MIPOL1: variants seen among roughly 807,000 people sequenced by gnomAD.
MIPOL1 encodes mirror-image polydactyly 1.
In MIPOL1, 57 loss-of-function variants were observed where a neutral mutation model predicts 60.9. The observed-to-expected ratio is 0.94, with a 90% CI of 0.76 to 1.17. MIPOL1 has a LOEUF of 1.17. Among genes scored for constraint, MIPOL1 ranks in the 50% most tolerant of loss-of-function variants. MIPOL1 has a pLI of 0.00. For synonymous variants in MIPOL1, 179 were observed against 168.8 expected, an observed-to-expected ratio of 1.06 and a Z score of -0.47; for missense variants, 551 against 511.6, an observed-to-expected ratio of 1.08 and a Z score of -0.74.
At chr14:37,310,584 G>A (rs2087237722) in intron 9 of MIPOL1, among the ~76,000 whole-genome samples, 1 of 152,106 alleles carries the variant, frequency 6.6e-6, no homozygotes, top group Admixed American at 6.6e-5. Context: ...GCCTTCACAA[G>A]GTGATCGCTT....
At chr14:37,492,681 G>T (rs992915034) in intron 11 of MIPOL1, among the ~76,000 whole-genome samples, 9 of 152,032 alleles carry the variant, frequency 5.9e-5, no homozygotes, top group Non-Finnish European at 8.8e-5. Flanking sequence ...ATGTCACTCA[G>T]AGTGAATGAC....
intron 9 of MIPOL1, among the ~76,000 whole-genome samples, chr14:37,360,812 A>G (rs141881411): frequency 8.1e-4 from 123 of 151,996 alleles, no homozygotes; most frequent in Non-Finnish European, 1.3e-3. Context: ...TTGTGTCCCT[A>G]TTTCTTTCAG....
intron 9 of MIPOL1, among the ~76,000 whole-genome samples, chr14:37,346,312 C>T (rs1263526912): frequency 6.6e-6 from 1 of 152,082 alleles, no homozygotes; most frequent in East Asian, 1.9e-4. Flanking sequence ...CTGGGTGACA[C>T]AGTGAGACTC....
At chr14:37,229,761 G>A (rs1429618239) in intron 1 of MIPOL1, among the ~76,000 whole-genome samples, 2 of 152,044 alleles carry the variant, frequency 1.3e-5, no homozygotes, top group African/African-American at 4.8e-5. Flanking sequence ...CAAAAATGGG[G>A]TTTGACTCAA....
At chr14:37,348,464 G>A (rs2091101494) in intron 9 of MIPOL1, among the ~76,000 whole-genome samples, 1 of 151,990 alleles carries the variant, frequency 6.6e-6, no homozygotes, top group South Asian at 2.1e-4. Context: ...CCATATTAAT[G>A]CAACACATTT....
intron 1 of MIPOL1, among the ~76,000 whole-genome samples, chr14:37,243,301 C>T (rs538121775): frequency 5.3e-5 from 8 of 152,092 alleles, no homozygotes; most frequent in Non-Finnish European, 1.2e-4. Flanking sequence ...GCAGTAGGCA[C>T]ACTGGGTGAA....
intron 9 of MIPOL1, among the ~76,000 whole-genome samples, chr14:37,363,861 A>C (rs956017820): frequency 6.6e-6 from 1 of 152,122 alleles, no homozygotes; most frequent in African/African-American, 2.4e-5. Flanking sequence ...TCCCCCAGCC[A>C]AGCTGCAGCC....
chr14:37,216,301 AAGAG>A (rs1166140068), intron 1 of MIPOL1, among the ~76,000 whole-genome samples: 2 of 152,154 alleles, frequency 1.3e-5, no homozygotes, highest in Non-Finnish European at 2.9e-5. Context: ...ATTAGAGATA[AAGAG>A]AGAGAGATAG....
intron 7 of MIPOL1, among the ~76,000 whole-genome samples, chr14:37,291,510 G>T (rs1028441538): frequency 6.6e-6 from 1 of 151,734 alleles, no homozygotes; most frequent in Non-Finnish European, 1.5e-5. Flanking sequence ...TCACTTTATT[G>T]TGTTAGCCCC....
chr14:37,405,309 C>A (rs1301395693), intron 10 of MIPOL1, among the ~76,000 whole-genome samples: 1 of 152,052 alleles, frequency 6.6e-6, no homozygotes, highest in Non-Finnish European at 1.5e-5. Context: ...TTTCCACATT[C>A]ATATACAGAA....
chr14:37,444,814 A>C (rs1251460457), intron 11 of MIPOL1, among the ~76,000 whole-genome samples: 1 of 152,226 alleles, frequency 6.6e-6, no homozygotes, highest in Admixed American at 6.5e-5. Flanking sequence ...AACAGAACCA[A>C]AGACAAAAAC....
At chr14:37,302,088 A>G (rs192380516) in intron 7 of MIPOL1, among the ~76,000 whole-genome samples, 185 of 144,216 alleles carry the variant, frequency 1.3e-3, no homozygotes, top group African/African-American at 4.4e-3. Flanking sequence ...TTGTCTGGAC[A>G]TATATTTTCA....
At chr14:37,521,908 A>ATTT (rs199544079) in intron 12 of MIPOL1, among the ~76,000 whole-genome samples, 295 of 20,656 alleles carry the variant, frequency 0.014, 2 homozygotes, top group African/African-American at 0.042. Context: ...ATATATATAT[A>ATTT]TATTTTTTTT....
intron 9 of MIPOL1, among the ~76,000 whole-genome samples, chr14:37,356,422 T>C (rs1338898608): frequency 6.6e-6 from 1 of 152,144 alleles, no homozygotes; most frequent in African/African-American, 2.4e-5. Flanking sequence ...CCTTGAGCTG[T>C]GGTGGGCTCC....
At chr14:37,496,930 C>T (rs2095139869) in intron 11 of MIPOL1, among the ~76,000 whole-genome samples, 1 of 151,748 alleles carries the variant, frequency 6.6e-6, no homozygotes, top group African/African-American at 2.4e-5. Flanking sequence ...ACCAAAACAG[C>T]ATGGTACTGG....
At chr14:37,485,178 GT>G (rs1302574530) in intron 11 of MIPOL1, among the ~76,000 whole-genome samples, 2 of 150,938 alleles carry the variant, frequency 1.3e-5, no homozygotes, top group African/African-American at 2.4e-5. Context: ...TGAACTCATC[GT>G]TTTTTATATT....
intron 7 of MIPOL1, among the ~76,000 whole-genome samples, chr14:37,294,433 C>A (rs1231413042): frequency 2.6e-5 from 4 of 152,114 alleles, no homozygotes; most frequent in African/African-American, 9.7e-5. Flanking sequence ...CAGCTCCTCA[C>A]CAGCAACAGA....
At chr14:37,356,640 G>A (rs373356293) in intron 9 of MIPOL1, among the ~76,000 whole-genome samples, 3 of 152,192 alleles carry the variant, frequency 2.0e-5, no homozygotes, top group Non-Finnish European at 2.9e-5. Flanking sequence ...TCAGAAAAGC[G>A]CAGTATTCGG....
intron 7 of MIPOL1, among the ~76,000 whole-genome samples, chr14:37,305,684 C>A (rs2153431991): frequency 6.6e-6 from 1 of 151,894 alleles, no homozygotes; most frequent in Non-Finnish European, 1.5e-5. Flanking sequence ...TCAACTTTTT[C>A]TCTTTCCAGA....
Sources: allele counts gnomAD v4.1 joint callset (sites outside exome capture counted in the v4.1 genomes callset), GRCh38; gene constraint gnomAD v4.1.1; transcripts MANE v1.5; gene names NCBI Gene and HGNC (gene_info 2026-07-23, HGNC 2026-07-21).